PRKCE: variants seen among roughly 807,000 people sequenced by gnomAD.
PRKCE encodes the protein protein kinase C epsilon.
Under a neutral mutation model 85.4 loss-of-function variants are expected in PRKCE, and 16 were observed. The ratio of observed to expected loss-of-function variants is 0.19; its 90% confidence interval spans 0.13 to 0.28. The LOEUF is 0.28. Among genes scored for constraint, PRKCE ranks in the 10% least tolerant of loss-of-function variants. The pLI is 1.00. For missense variants in PRKCE, 573 were observed against 975.2 expected (o/e 0.59, Z 5.49); for synonymous variants, 388 against 371.5 (o/e 1.04, Z -0.51).
At chr2:45,837,252 G>A (rs540106391) in intron 1 of PRKCE, among the ~76,000 whole-genome samples, 1 of 152,248 alleles carries the variant, frequency 6.6e-6, no homozygotes, top group Non-Finnish European at 1.5e-5. Context: ...AGGAGTTGAG[G>A]GAGCAAGTTC....
In PRKCE at chr2:46,048,049, A is replaced by G. The variant is rs140868974; in HGVS notation, c.1437+37532A>G. On this transcript the variant is annotated intron_variant, in intron 10 of 14. Coordinates refer to ENST00000306156, the MANE Select transcript of PRKCE (RefSeq NM_005400.3). ...TTATCAAACCAGTGTATTTTAATTT[A>G]ACTCACCTACTTCTAAACAGCGTGT... Among the ~76,000 whole-genome samples the G allele has an allele frequency of 3.9e-3, 590 of 152,316 alleles. 1 individual carries two copies. Among genetic ancestry groups the G allele is most frequent in the African/African-American group, 0.014 (566 of 41,560 alleles).
chr2:45,974,365 G>A lies in PRKCE; in HGVS notation c.413-2064G>A, dbSNP rs1574078714. Among the ~76,000 whole-genome samples the A allele has an allele frequency of 2.6e-5, 4 of 152,308 alleles. No individual in the cohort carries two copies. The East Asian group carries it at 7.7e-4, about 29-fold the overall frequency. On this transcript the variant is annotated intron_variant, in intron 2 of 14. Transcript: ENST00000306156. ...CAGGGTAGGAGGTGGTGAGCTTTCT[G>A]TACCCAGAAGGTCGGTGATGCCAGA...
Position 45,843,213 on chromosome 2 carries a change from C to T in PRKCE, c.412+150C>T, listed in dbSNP as rs181544291. The T allele has an allele frequency of 4.2e-5, 31 of 733,886 alleles. No individual in the cohort carries two copies. The East Asian group carries it at 5.2e-4, about 12-fold the overall frequency. The allele number at this position is 733,886 out of a possible 1,614,324, so 45.5% of individuals were successfully genotyped here. ...GAAAAGGTTATTTTGAAGATGCTTA[C>T]GCCTGTGTACCAAAAGGGACCAGCC... is the stretch of plus-strand genomic sequence containing the variant. On this transcript the variant is annotated intron_variant, in intron 2 of 14. Coordinates refer to ENST00000306156, the MANE Select transcript of PRKCE (RefSeq NM_005400.3).
rs199755252 is a variant in PRKCE at position 46,184,801 on chromosome 2, G to C, written c.2134G>C (p.Val712Leu). The change falls in exon 15 of 15, where the codon GTG (valine) becomes CTG (leucine). Residue 712 changes from valine (V) to leucine (L), a missense_variant. By Grantham distance (32) the Val-to-Leu change is conservative. Coordinates refer to ENST00000306156, the MANE Select transcript of PRKCE (RefSeq NM_005400.3). The surrounding 1 kb of genome is among the most constrained non-coding windows in gnomAD (Gnocchi z 5.0). The stretch of plus-strand genomic sequence containing the variant: ...CCGGGAAGAGCCGGTACTCACCCTT[G>C]TGGACGAAGCAATTGTAAAGCAGAT... ...FTREEPVLTLVDEAIVKQINQ... is the reference protein window; with the variant it reads ...FTREEPVLTLLDEAIVKQINQ... 7 of 1,599,650 alleles carry C rather than the reference G, an allele frequency of 4.4e-6. No homozygotes were observed. The highest frequency in any genetic ancestry group is 5.9e-6 in the Non-Finnish European group (7 of 1,179,966).
intron 14 of PRKCE, among the ~76,000 whole-genome samples, chr2:46,165,503 G>A (rs1408314192): frequency 6.6e-6 from 1 of 152,238 alleles, no homozygotes; most frequent in Non-Finnish European, 1.5e-5. Flanking sequence ...AGCCTTCGAT[G>A]CTGGAGAAAA....
At chr2:46,026,925 TGTCTGTA>T (rs1411737992) in intron 10 of PRKCE, among the ~76,000 whole-genome samples, 1 of 152,166 alleles carries the variant, frequency 6.6e-6, no homozygotes, top group African/African-American at 2.4e-5. Context: ...TGGTGGTTCA[TGTCTGTA>T]GTCCCAACAT....
chr2:45,778,505 C>T (rs1160702445), intron 1 of PRKCE, among the ~76,000 whole-genome samples: 1 of 152,052 alleles, frequency 6.6e-6, no homozygotes, highest in South Asian at 2.1e-4. Flanking sequence ...GGCTGGTGTT[C>T]CGCCTTTGAG....
At chr2:45,947,355 G>T (rs745372735) in intron 2 of PRKCE, among the ~76,000 whole-genome samples, 1 of 152,016 alleles carries the variant, frequency 6.6e-6, no homozygotes, top group Non-Finnish European at 1.5e-5. Flanking sequence ...CCTGGTAAAG[G>T]GTGTGGAACT....
intron 1 of PRKCE, among the ~76,000 whole-genome samples, chr2:45,671,287 C>T (rs1676146496): frequency 6.6e-6 from 1 of 152,104 alleles, no homozygotes; most frequent in South Asian, 2.1e-4. Context: ...GGACAAGACC[C>T]AGGGAAGTTA....
chr2:45,734,104 C>T (rs1018302838), intron 1 of PRKCE, among the ~76,000 whole-genome samples: 7 of 152,180 alleles, frequency 4.6e-5, no homozygotes, highest in South Asian at 2.1e-4. Flanking sequence ...CGGTGGCTCA[C>T]GCCTGTAATC....
At chr2:45,752,791 G>A (rs1683686578) in intron 1 of PRKCE, among the ~76,000 whole-genome samples, 2 of 152,166 alleles carry the variant, frequency 1.3e-5, no homozygotes, top group African/African-American at 4.8e-5. Flanking sequence ...GCCTGGAGAA[G>A]TTGCCAGCCA....
At chr2:45,969,014 C>G (rs1282291471) in intron 2 of PRKCE, among the ~76,000 whole-genome samples, 2 of 132,432 alleles carry the variant, frequency 1.5e-5, no homozygotes, top group Non-Finnish European at 3.4e-5. Flanking sequence ...TGCCTACAGC[C>G]TGTGAGAGAT....
intron 10 of PRKCE, among the ~76,000 whole-genome samples, chr2:46,052,463 A>G (rs944195719): frequency 2.0e-5 from 3 of 152,252 alleles, no homozygotes; most frequent in African/African-American, 4.8e-5. Context: ...CTTTTATACT[A>G]AAAAGTACAA....
At chr2:45,979,671 A>G (rs1702726902) in intron 4 of PRKCE, among the ~76,000 whole-genome samples, 1 of 152,228 alleles carries the variant, frequency 6.6e-6, no homozygotes. Flanking sequence ...GGTCTCACCC[A>G]TGGGGTAGTG....
intron 4 of PRKCE, among the ~76,000 whole-genome samples, chr2:45,979,502 C>T (rs1208284468): frequency 6.6e-6 from 1 of 152,160 alleles, no homozygotes; most frequent in Non-Finnish European, 1.5e-5. Flanking sequence ...ATGTAAAGCT[C>T]ACTTGAAGGT....
In PRKCE at chr2:45,980,280, T is replaced by A. The variant is rs1702781997; in HGVS notation, c.608-16T>A. The A allele has an allele frequency of 2.5e-6, 4 of 1,599,190 alleles. No homozygotes were observed. Among genetic ancestry groups the A allele is most frequent in the Non-Finnish European group, 3.4e-6 (4 of 1,179,486 alleles). On this transcript the variant is annotated splice_polypyrimidine_tract_variant and intron_variant, in intron 4 of 14. Coordinates refer to ENST00000306156, the MANE Select transcript of PRKCE (RefSeq NM_005400.3). ...TCCTGAGTGTCATTCAGCCTTCCTG[T>A]CTTTGCTATTTGCAGTCTGCACCTG...
chr2:45,825,956 GT>G (rs1232719770), intron 1 of PRKCE, among the ~76,000 whole-genome samples: 1 of 152,070 alleles, frequency 6.6e-6, no homozygotes, highest in East Asian at 1.9e-4. Context: ...ATAGACTTAG[GT>G]TTTTTTGCCA....
At chr2:46,170,441 C>T (rs1189414998) in intron 14 of PRKCE, among the ~76,000 whole-genome samples, 5 of 152,144 alleles carry the variant, frequency 3.3e-5, no homozygotes, top group Non-Finnish European at 4.4e-5. Context: ...CATCACCCAG[C>T]GTCAACAATT....
chr2:45,827,636 C>T lies in PRKCE; in HGVS notation c.349-15364C>T, dbSNP rs1038458439. The stretch of plus-strand genomic sequence containing the variant: ...TCAAAACTTATGTATTACTTAGTTA[C>T]AGAATAAAAGCCAGTTGGACAGTTT... On this transcript the variant is annotated intron_variant, in intron 1 of 14. Coordinates refer to ENST00000306156, the MANE Select transcript of PRKCE (RefSeq NM_005400.3). Among the ~76,000 whole-genome samples, 4 of 152,174 alleles carry T rather than the reference C, an allele frequency of 2.6e-5. No homozygotes were observed. The South Asian group carries it at 6.2e-4, about 24-fold the overall frequency.
Sources: allele counts gnomAD v4.1 joint callset (sites outside exome capture counted in the v4.1 genomes callset), GRCh38; gene constraint gnomAD v4.1.1; non-coding constraint Gnocchi (gnomAD v3.1); transcripts MANE v1.5; gene names NCBI Gene and HGNC (gene_info 2026-07-23, HGNC 2026-07-21).